Variants in FBLN2 observed in about 807,000 individuals in gnomAD.
FBLN2 encodes fibulin 2, also known as fibulin-2.
FBLN2 carries 81 observed loss-of-function variants against 123.7 expected under a neutral mutation model. The observed-to-expected ratio is 0.65, with a 90% confidence interval of 0.55 to 0.79. FBLN2 has a LOEUF of 0.79. Among genes scored for constraint, FBLN2 ranks in the 30% least tolerant of loss-of-function variants. FBLN2 has a pLI of 0.00. For synonymous variants in FBLN2, 699 were observed against 701.4 expected, an observed-to-expected ratio of 1.00 and a Z score of 0.05; for missense variants, 1,603 against 1,681.3, an observed-to-expected ratio of 0.95 and a Z score of 0.81.
intron 2 of FBLN2, among the ~76,000 whole-genome samples, chr3:13,587,536 G>A (rs1315826193): frequency 1.3e-5 from 2 of 151,948 alleles, no homozygotes; most frequent in Non-Finnish European, 2.9e-5. Context: ...AAATTCTAAG[G>A]CCCCCCGCCA....
chr3:13,603,935 G>A (rs1705122441), intron 2 of FBLN2, among the ~76,000 whole-genome samples: 1 of 152,170 alleles, frequency 6.6e-6, no homozygotes, highest in East Asian at 1.9e-4. Context: ...CATTCTGACT[G>A]GTGTGAGATG....
At chr3:13,605,258 T>C (rs1705164511) in intron 2 of FBLN2, among the ~76,000 whole-genome samples, 1 of 152,240 alleles carries the variant, frequency 6.6e-6, no homozygotes, top group South Asian at 2.1e-4. Flanking sequence ...TTATCCTCTT[T>C]GCAAGGCTCT....
chr3:13,609,616 G>A lies in FBLN2; in HGVS notation c.1522G>A (p.Asp508Asn), dbSNP rs749568996. Reference protein sequence around the residue: ...EGETCGAEDNDSCGISLYKQC... With the variant: ...EGETCGAEDNNSCGISLYKQC... ...TGAGACCTGTGGGGCTGAGGACAACGACAGCTGCGGCATCTCCCTGTACAA... is the reference window on the plus strand; with the variant it reads ...TGAGACCTGTGGGGCTGAGGACAACAACAGCTGCGGCATCTCCCTGTACAA... The change falls in exon 4 of 18, where the codon GAC (aspartate) becomes AAC (asparagine). Residue 508 changes from aspartate (D) to asparagine (N), a missense_variant. By Grantham distance (23) the Asp-to-Asn change is conservative. Transcript: ENST00000404922. 9 of 1,454,898 alleles carry A rather than the reference G, an allele frequency of 6.2e-6. No homozygotes were observed. The African/African-American group carries it at 1.2e-4, about 19-fold the overall frequency. 90.1% of individuals were successfully genotyped at this position (1,454,898 alleles called of 1,614,324 possible).
Position 13,594,139 on chromosome 3 carries a change from T to G in FBLN2, c.1307-13923T>G, listed in dbSNP as rs141223245. Among the ~76,000 whole-genome samples, 288 of 152,334 alleles carry G rather than the reference T, an allele frequency of 1.9e-3. 4 individuals are homozygous for G. The highest frequency in any genetic ancestry group is 6.6e-3 in the African/African-American group (274 of 41,578). On this transcript the variant is annotated intron_variant, in intron 2 of 17. Coordinates refer to ENST00000404922, the MANE Select transcript of FBLN2 (RefSeq NM_001004019.2). ...CCCAGGCCCAGGAGTCAAGCATTTT[T>G]TCTGGAGACTTTTGGAAAGCTCGTA...
chr3:13,559,253 A>G (rs1703545315), intron 1 of FBLN2, among the ~76,000 whole-genome samples: 1 of 49,188 alleles, frequency 2.0e-5, no homozygotes, highest in Non-Finnish European at 4.6e-5. Flanking sequence ...AGGTTAATCA[A>G]AAGGGGTTCA....
chr3:13,618,255 C>A lies in FBLN2; in HGVS notation c.1909C>A (p.Leu637Met). 6.2e-7 allele frequency: 1 copy of A among 1,613,944 alleles called. No individual in the cohort carries two copies. The highest frequency in any genetic ancestry group is 8.5e-7 in the Non-Finnish European group (1 of 1,179,910). Residue 637 changes from leucine to methionine, a missense_variant, in exon 6 of 18, where the codon CTG becomes ATG. Coordinates refer to ENST00000404922, the MANE Select transcript of FBLN2 (RefSeq NM_001004019.2). Reference protein sequence around the residue: ...YHCACFPGFSLQDDGRTCRPE... With the variant: ...YHCACFPGFSMQDDGRTCRPE... ...CTGTGCCTGCTTTCCTGGCTTCTCA[C>A]TGCAGGACGATGGCCGCACTTGCCG...
intron 14 of FBLN2, 114 bp downstream of exon 14, chr3:13,630,059 A>C: frequency 7.0e-7 from 1 of 1,423,250 alleles, no homozygotes; most frequent in Non-Finnish European, 9.5e-7. Flanking sequence ...TCACCCTCAC[A>C]CCTTCACCCA....
chr3:13,549,195 C>T lies in FBLN2; in HGVS notation c.-55C>T, dbSNP rs914069576. 3.1e-6 allele frequency: 3 copies of T among 982,992 alleles called. No individual in the cohort carries two copies. Among genetic ancestry groups the T allele is most frequent in the Non-Finnish European group, 3.6e-6 (3 of 828,890 alleles). The allele number at this position is 982,992 out of a possible 1,614,324, so 60.9% of individuals were successfully genotyped here. A position where few individuals can be genotyped will look rare whatever the true frequency, so the allele number is the denominator to read the frequency against. On this transcript the variant is annotated 5_prime_UTR_variant, in exon 1 of 18. Coordinates refer to ENST00000404922, the MANE Select transcript of FBLN2 (RefSeq NM_001004019.2). ...GGCGGACGGACGGACGGACGCCGAG[C>T]GCAGTGCCCCGCGGTGAGTGCACGC...
At chr3:13,591,083 T>C (rs760276073) in intron 2 of FBLN2, among the ~76,000 whole-genome samples, 2 of 152,272 alleles carry the variant, frequency 1.3e-5, no homozygotes, top group Non-Finnish European at 2.9e-5. Context: ...TGCCATTCTT[T>C]GTAATTTTGG....
rs1706477157 is a variant in FBLN2 at position 13,636,518 on chromosome 3, C to T, written c.3288C>T (p.Phe1096=). Residue 1096 remains phenylalanine (F), a synonymous_variant, in exon 17 of 18, where the codon TTC becomes TTT. Coordinates refer to ENST00000404922, the MANE Select transcript of FBLN2 (RefSeq NM_001004019.2). ...CCTGCCACAACATCCAGGGTAGCTT[C>T]CGCTGCCTGCGCTTCGAGTGTCCTC... ...AETCHNIQGS[F]RCLRFECPPN... 1.2e-6 allele frequency: 2 copies of T among 1,613,670 alleles called. No homozygotes were observed. Among genetic ancestry groups the T allele is most frequent in the African/African-American group, 1.3e-5 (1 of 74,944 alleles).
At chr3:13,621,699 C>G (rs960919727) in intron 8 of FBLN2, 76 bp from the exon 9 acceptor site, 1 of 1,532,064 alleles carries the variant, frequency 6.5e-7, no homozygotes, top group Non-Finnish European at 8.9e-7. Context: ...GTCTCATTCT[C>G]CTGTCACTGG....
intron 2 of FBLN2, among the ~76,000 whole-genome samples, chr3:13,584,182 C>T (rs1488319723): frequency 6.6e-6 from 1 of 152,210 alleles, no homozygotes; most frequent in Non-Finnish European, 1.5e-5. Flanking sequence ...CATATGACAG[C>T]TCCCAATTTG....
chr3:13,610,354 T>C (rs1403457582), intron 4 of FBLN2, among the ~76,000 whole-genome samples: 1 of 152,158 alleles, frequency 6.6e-6, no homozygotes, highest in Non-Finnish European at 1.5e-5. Context: ...GGGTCTCTTC[T>C]GGCAGTTGTG....
At chr3:13,573,486 G>A (rs543223198) in intron 2 of FBLN2, among the ~76,000 whole-genome samples, 4 of 152,180 alleles carry the variant, frequency 2.6e-5, no homozygotes, top group East Asian at 1.9e-4. Context: ...GTGACTGCTG[G>A]GGTCTCTATC....
chr3:13,631,606 G>C, intron 16 of FBLN2, 149 bp downstream of exon 16: 1 of 947,892 alleles, frequency 1.1e-6, no homozygotes, highest in Non-Finnish European at 1.5e-6. Context: ...CAGTGGCCAT[G>C]TTAACTGAGG....
intron 15 of FBLN2, 64 bp from the exon 16 acceptor site, chr3:13,631,265 A>C (rs1706245798): frequency 1.3e-6 from 2 of 1,560,952 alleles, no homozygotes; most frequent in African/African-American, 1.4e-5. Flanking sequence ...GGACAGGCTG[A>C]CTGTCAGTGG....
At chr3:13,598,776 C>G (rs1385796057) in intron 2 of FBLN2, among the ~76,000 whole-genome samples, 1 of 152,202 alleles carries the variant, frequency 6.6e-6, no homozygotes, top group Non-Finnish European at 1.5e-5. Context: ...CCCTCCCAAT[C>G]TGGTGATTGG....
At chr3:13,578,922 G>T (rs188415067) in intron 2 of FBLN2, among the ~76,000 whole-genome samples, 318 of 152,330 alleles carry the variant, frequency 2.1e-3, no homozygotes, top group African/African-American at 7.4e-3. Flanking sequence ...GGGTGTGGTG[G>T]TGCATGCCTA....
In FBLN2 at chr3:13,629,249, C is replaced by T. The variant is rs1308927425; in HGVS notation, c.2799C>T (p.Cys933=). 6.2e-7 allele frequency: 1 copy of T among 1,612,924 alleles called. No homozygotes were observed. Among genetic ancestry groups the T allele is most frequent in the East Asian group, 2.2e-5 (1 of 44,854 alleles). ...HNLPGSYRCD[C]KAGFQRDAFG... ...TCCCTGGCTCCTACCGCTGTGACTG[C>T]AAAGCCGGCTTTCAGCGGGATGCCT... is the stretch of plus-strand genomic sequence containing the variant. Residue 933 remains cysteine, a synonymous_variant, in exon 13 of 18, where the codon TGC becomes TGT. Transcript: ENST00000404922.
Sources: allele counts gnomAD v4.1 joint callset (sites outside exome capture counted in the v4.1 genomes callset), GRCh38; gene constraint gnomAD v4.1.1; transcripts MANE v1.5; gene names NCBI Gene and HGNC (gene_info 2026-07-23, HGNC 2026-07-21).